Variants in GRID2 observed in about 807,000 individuals in gnomAD.
The protein encoded by GRID2 is glutamate receptor ionotropic, delta-2.
In GRID2, 33 loss-of-function variants were observed where a neutral mutation model predicts 114.8. That is an observed-to-expected ratio of 0.29 (90% CI 0.22 to 0.38). GRID2 has a LOEUF of 0.38. GRID2 is among the 10% of genes least tolerant of loss of function. The probability of loss-of-function intolerance (pLI) is 1.00; values close to 1 mark genes in which losing one functional copy is unlikely to be tolerated. For synonymous variants in GRID2, 505 were observed against 449.9 expected (o/e 1.12, Z -1.55); for missense variants, 1,184 against 1,257.7 (o/e 0.94, Z 0.89).
At chr4:93,070,968 T>A (rs985740346) in intron 2 of GRID2, among the ~76,000 whole-genome samples, 3 of 152,120 alleles carry the variant, frequency 2.0e-5, no homozygotes, top group African/African-American at 7.2e-5. Flanking sequence ...AACTCTTCTA[T>A]ACGCCAAGCA....
chr4:92,664,700 T>G (rs550384201), intron 2 of GRID2, among the ~76,000 whole-genome samples: 1 of 151,366 alleles, frequency 6.6e-6, no homozygotes, highest in East Asian at 1.9e-4. Context: ...TTTTGCTTCA[T>G]GTATTTGATG....
intron 2 of GRID2, among the ~76,000 whole-genome samples, chr4:92,943,495 G>A (rs997703421): frequency 6.6e-6 from 1 of 151,936 alleles, no homozygotes; most frequent in Non-Finnish European, 1.5e-5. Context: ...TTTTTTTCAA[G>A]GTTTTTAACT....
chr4:92,704,723 T>TTCTCTCTCTCTCTCTCTCTCTCTCTC (rs373207037), intron 2 of GRID2, among the ~76,000 whole-genome samples: 1 of 90,050 alleles, frequency 1.1e-5, no homozygotes, highest in Admixed American at 1.2e-4. Flanking sequence ...CTCTCTCTCT[T>TTCTCTCTCTCTCTCTCTCTCTCTCTC]TCTCTCTCTC....
chr4:93,668,484 C>T (rs971218456), intron 14 of GRID2, among the ~76,000 whole-genome samples: 1 of 151,834 alleles, frequency 6.6e-6, no homozygotes, highest in Non-Finnish European at 1.5e-5. Context: ...TTTATTTCAG[C>T]AAATATGCAT....
chr4:92,817,705 T>C (rs535211134), intron 2 of GRID2, among the ~76,000 whole-genome samples: 1 of 152,066 alleles, frequency 6.6e-6, no homozygotes, highest in South Asian at 2.1e-4. Flanking sequence ...TATTTGGCTT[T>C]TTTTTTTTGG....
intron 1 of GRID2, among the ~76,000 whole-genome samples, chr4:93,804,949 G>A (rs1482289876): frequency 6.6e-6 from 1 of 152,148 alleles, no homozygotes; most frequent in Non-Finnish European, 1.5e-5. Flanking sequence ...ATGTAATATG[G>A]TAGATGTATC....
At chr4:93,780,625 G>A (rs1734459620) in intron 1 of GRID2, among the ~76,000 whole-genome samples, 1 of 152,148 alleles carries the variant, frequency 6.6e-6, no homozygotes, top group African/African-American at 2.4e-5. Context: ...CTAAATATTT[G>A]CTACCATTTT....
At chr4:93,000,348 A>C (rs1233168633) in intron 2 of GRID2, among the ~76,000 whole-genome samples, 3 of 151,678 alleles carry the variant, frequency 2.0e-5, no homozygotes, top group African/African-American at 4.8e-5. Context: ...AAATAAATTT[A>C]AGACATGCTG....
chr4:92,535,262 C>T lies in GRID2; in HGVS notation c.89-54869C>T, dbSNP rs111877696. 3.3e-5 allele frequency among the ~76,000 whole-genome samples: 5 copies of T among 152,124 alleles called. 1 individual carries two copies. Among genetic ancestry groups the T allele is most frequent in the East Asian group, 1.9e-4 (1 of 5,182 alleles). On this transcript the variant is annotated intron_variant, in intron 1 of 15. Transcript: ENST00000282020. ...TTATAATTAAGTAATTAAATATAAG[C>T]GTAACTTTTAAGTGTTGTTAGAATT...
intron 8 of GRID2, among the ~76,000 whole-genome samples, chr4:93,317,177 A>G (rs1209760888): frequency 6.6e-6 from 1 of 152,196 alleles, no homozygotes; most frequent in South Asian, 2.1e-4. Flanking sequence ...GTATTATTGC[A>G]CACCAGATGG....
rs191234018 is a variant in GRID2 at position 93,222,653 on chromosome 4, C to A, written c.964-1961C>A. 3.8e-3 allele frequency among the ~76,000 whole-genome samples: 581 copies of A among 151,908 alleles called. 4 individuals carry two copies. Among genetic ancestry groups the A allele is most frequent in the African/African-American group, 0.013 (543 of 41,438 alleles). ...ACAACAGGCCCCGGTGTGTGATGTT[C>A]CCCATCCTGTGTCCAGGTGTTCTCA... On this transcript the variant is annotated intron_variant, in intron 6 of 15. Coordinates refer to ENST00000282020, the MANE Select transcript of GRID2 (RefSeq NM_001510.4).
intron 2 of GRID2, among the ~76,000 whole-genome samples, chr4:93,083,139 G>A (rs979822102): frequency 1.3e-5 from 2 of 151,844 alleles, no homozygotes; most frequent in Admixed American, 1.3e-4. Flanking sequence ...ACCCCTTAAG[G>A]CACTTTCTTA....
chr4:93,419,074 C>CTTTTTTTTTTTTTTTTTT (rs58832079), intron 9 of GRID2, among the ~76,000 whole-genome samples: 1 of 109,530 alleles, frequency 9.1e-6, no homozygotes, highest in Non-Finnish European at 1.8e-5. Flanking sequence ...CATGATTTTC[C>CTTTTTTTTTTTTTTTTTT]TTTTTTTTTT....
chr4:92,425,242 A>G (rs1490630207), intron 1 of GRID2, among the ~76,000 whole-genome samples: 1 of 152,036 alleles, frequency 6.6e-6, no homozygotes, highest in Non-Finnish European at 1.5e-5. Flanking sequence ...GAAGTGTGCT[A>G]AAGGGTGGCT....
chr4:93,792,861 G>A (rs1193036804), intron 1 of GRID2, among the ~76,000 whole-genome samples: 5 of 152,144 alleles, frequency 3.3e-5, no homozygotes, highest in Admixed American at 1.3e-4. Flanking sequence ...ATTCATGGTG[G>A]TTTGTGAGTG....
At chr4:93,131,586 A>T (rs1338628105) in intron 4 of GRID2, among the ~76,000 whole-genome samples, 1 of 120,950 alleles carries the variant, frequency 8.3e-6, no homozygotes, top group Non-Finnish European at 1.6e-5. Flanking sequence ...AATTTTTAAA[A>T]ATTAAAAATT....
At chr4:92,949,023 GCTTTTCT>G (rs910035703) in intron 2 of GRID2, among the ~76,000 whole-genome samples, 1 of 151,374 alleles carries the variant, frequency 6.6e-6, no homozygotes, top group African/African-American at 2.4e-5. Flanking sequence ...GGCTTGATGT[GCTTTTCT>G]CTTAGTTGAA....
rs149504404 is a variant in GRID2 at position 93,152,596 on chromosome 4, A to T, written c.735+41643A>T. Among the ~76,000 whole-genome samples the T allele has an allele frequency of 2.0e-5, 3 of 152,236 alleles. No individual in the cohort carries two copies. In the East Asian group the frequency reaches 5.8e-4, roughly 29 times the overall value. The stretch of plus-strand genomic sequence containing the variant: ...GTATTTAAAGTTTGTTAAACTATTT[A>T]TTGCTGCTTCAAGCCAGACTCTGGA... On this transcript the variant is annotated intron_variant, in intron 4 of 15. Coordinates refer to ENST00000282020, the MANE Select transcript of GRID2 (RefSeq NM_001510.4).
chr4:93,057,524 A>C (rs1727373585), intron 2 of GRID2, among the ~76,000 whole-genome samples: 1 of 151,816 alleles, frequency 6.6e-6, no homozygotes, highest in Non-Finnish European at 1.5e-5. Flanking sequence ...CAAGAAGAAG[A>C]TGAGGGTGGC....
Sources: gnomAD v4.1 joint callset for allele counts (sites outside exome capture counted in the v4.1 genomes callset) on GRCh38, gnomAD v4.1.1 for gene constraint, MANE v1.5 for transcripts, NCBI Gene and HGNC (gene_info 2026-07-23, HGNC 2026-07-21) for gene names.